Variants in NCKAP5 observed in about 807,000 individuals in gnomAD.
NCKAP5 encodes NCK associated protein 5, also known as nck-associated protein 5.
A neutral mutation model predicts 167.0 loss-of-function variants in NCKAP5; 92 were observed. The ratio of observed to expected loss-of-function variants is 0.55; its 90% confidence interval spans 0.47 to 0.66. The LOEUF is 0.66. Among genes scored for constraint, NCKAP5 ranks in the 30% least tolerant of loss-of-function variants. The pLI is 0.00. For synonymous variants in NCKAP5, 891 were observed against 877.4 expected (o/e 1.02, Z -0.27); for missense variants, 2,378 against 2,315.0 (o/e 1.03, Z -0.56).
At chr2:133,629,179 C>G in the NCKAP5 span, among the ~76,000 whole-genome samples, 1 of 152,126 alleles carries the variant, frequency 6.6e-6, no homozygotes, top group Non-Finnish European at 1.5e-5. Context: ...ACAAAAGAAA[C>G]TATCATCAGA....
intron 3 of NCKAP5, among the ~76,000 whole-genome samples, chr2:133,380,316 C>T (rs1192999769): frequency 6.6e-6 from 1 of 151,922 alleles, no homozygotes; most frequent in Non-Finnish European, 1.5e-5. Flanking sequence ...CATTTTTTTA[C>T]AGTGAGCAAT....
At chr2:133,381,114 C>T (rs754117487) in intron 3 of NCKAP5, among the ~76,000 whole-genome samples, 5 of 152,098 alleles carry the variant, frequency 3.3e-5, no homozygotes, top group Non-Finnish European at 5.9e-5. Flanking sequence ...TTGTTTTAAC[C>T]ATCAGATAGT....
intron 3 of NCKAP5, among the ~76,000 whole-genome samples, chr2:133,419,686 C>T (rs1467692384): frequency 6.6e-6 from 1 of 152,198 alleles, no homozygotes; most frequent in Non-Finnish European, 1.5e-5. Flanking sequence ...CCATTTCACT[C>T]ATTTGTATGA....
At chr2:132,879,060 CT>C in intron 8 of NCKAP5, 144 bp from the exon 9 acceptor site, 1 of 672,774 alleles carries the variant, frequency 1.5e-6, no homozygotes, top group Non-Finnish European at 2.6e-6. Flanking sequence ...ACTCTAAGTA[CT>C]ATTATAAATA....
chr2:133,001,852 C>A (rs1461645633), intron 6 of NCKAP5, among the ~76,000 whole-genome samples: 3 of 151,844 alleles, frequency 2.0e-5, no homozygotes, highest in African/African-American at 7.3e-5. Flanking sequence ...TGAAAATATT[C>A]AGGAAAAAAA....
intron 19 of NCKAP5, among the ~76,000 whole-genome samples, chr2:132,716,398 A>T (rs1573971720): frequency 6.6e-6 from 1 of 152,208 alleles, no homozygotes; most frequent in South Asian, 2.1e-4. Flanking sequence ...ACCATTGCCT[A>T]GTTCCGTTGC....
intron 8 of NCKAP5, among the ~76,000 whole-genome samples, chr2:132,907,296 C>T (rs1438110826): frequency 6.6e-6 from 1 of 152,144 alleles, no homozygotes; most frequent in Non-Finnish European, 1.5e-5. Context: ...CTGTTTGATT[C>T]TTTACCTAAA....
chr2:133,450,465 C>T (rs1310005008), intron 3 of NCKAP5, among the ~76,000 whole-genome samples: 1 of 152,142 alleles, frequency 6.6e-6, no homozygotes, highest in Non-Finnish European at 1.5e-5. Context: ...AAAAGCCATT[C>T]ATATTGAGAT....
rs141303477 is a variant in NCKAP5 at position 132,856,930 on chromosome 2, T to C, written c.807+3562A>G. ...TTTTCAGGTTTAAATCCTTGGTCTG[T>C]CAAATACCTGCTACAGGACTTAGCC... On this transcript the variant is annotated intron_variant, in intron 11 of 19. Transcript: ENST00000409261. Among the ~76,000 whole-genome samples the C allele has an allele frequency of 9.2e-5, 14 of 152,314 alleles. No individual in the cohort carries two copies. The East Asian group carries it at 2.7e-3, about 29-fold the overall frequency.
At chr2:133,548,792 C>A (rs1177708986) in intron 2 of NCKAP5, among the ~76,000 whole-genome samples, 1 of 152,102 alleles carries the variant, frequency 6.6e-6, no homozygotes, top group Admixed American at 6.5e-5. Flanking sequence ...ACGTAAAGAC[C>A]ATCGAGACTA....
chr2:133,545,317 G>A (rs1184623283), intron 2 of NCKAP5, among the ~76,000 whole-genome samples: 1 of 152,096 alleles, frequency 6.6e-6, no homozygotes, highest in Non-Finnish European at 1.5e-5. Flanking sequence ...GCCAAGTTGG[G>A]TGACCAAATT....
intron 2 of NCKAP5, among the ~76,000 whole-genome samples, chr2:133,521,287 C>T (rs915042825): frequency 1.3e-5 from 2 of 152,160 alleles, no homozygotes; most frequent in African/African-American, 2.4e-5. Context: ...CATCAAGTAA[C>T]CTTCCAATTT....
chr2:133,206,851 G>A (rs1207107083), intron 5 of NCKAP5, among the ~76,000 whole-genome samples: 1 of 152,102 alleles, frequency 6.6e-6, no homozygotes, highest in East Asian at 1.9e-4. Flanking sequence ...ATAGACTGCT[G>A]CTCTGGGAGT....
At chr2:133,610,099 C>T in the NCKAP5 span, among the ~76,000 whole-genome samples, 1 of 152,174 alleles carries the variant, frequency 6.6e-6, no homozygotes, top group East Asian at 1.9e-4. Flanking sequence ...CAATACATCG[C>T]ATCGATTTTC....
At chr2:133,082,247 G>T (rs187296523) in intron 6 of NCKAP5, among the ~76,000 whole-genome samples, 1 of 152,212 alleles carries the variant, frequency 6.6e-6, no homozygotes, top group Non-Finnish European at 1.5e-5. Context: ...CAGCATTTTT[G>T]ATCTCAATAT....
At chr2:133,015,716 C>G (rs1051451071) in intron 6 of NCKAP5, among the ~76,000 whole-genome samples, 2 of 152,054 alleles carry the variant, frequency 1.3e-5, no homozygotes, top group Non-Finnish European at 2.9e-5. Context: ...GATACAAGAC[C>G]CAGTCTCTAC....
At chr2:133,500,914 CT>C (rs1399943811) in intron 3 of NCKAP5, among the ~76,000 whole-genome samples, 3 of 152,168 alleles carry the variant, frequency 2.0e-5, no homozygotes, top group African/African-American at 7.2e-5. Flanking sequence ...GGTCCCTATG[CT>C]TGATTAATCC....
At chr2:133,553,771 A>G in intron 2 of NCKAP5, among the ~76,000 whole-genome samples, 1 of 152,214 alleles carries the variant, frequency 6.6e-6, no homozygotes, top group East Asian at 1.9e-4. Context: ...GAGGCTATAT[A>G]CATAATAAAT....
chr2:133,345,100 C>T (rs1271413508), intron 3 of NCKAP5, among the ~76,000 whole-genome samples: 1 of 152,140 alleles, frequency 6.6e-6, no homozygotes. Flanking sequence ...AGGTGTGAAT[C>T]ATTGCCCCAA....
Sources: gnomAD v4.1 joint callset for allele counts (sites outside exome capture counted in the v4.1 genomes callset) on GRCh38, gnomAD v4.1.1 for gene constraint, MANE v1.5 for transcripts, NCBI Gene and HGNC (gene_info 2026-07-23, HGNC 2026-07-21) for gene names.